NTAQ1: variants seen among roughly 807,000 people sequenced by gnomAD.
NTAQ1 encodes N-terminal glutamine amidase 1, also known as protein N-terminal glutamine amidohydrolase.
A neutral mutation model predicts 28.2 loss-of-function variants in NTAQ1; 21 were observed. That is an observed-to-expected ratio of 0.74 (90% CI 0.53 to 1.07). NTAQ1 has a LOEUF of 1.07. Ranked by LOEUF, NTAQ1 falls within the 50% of genes least tolerant of loss-of-function variation. The pLI is 0.00. For synonymous variants in NTAQ1, 105 were observed against 90.0 expected, an observed-to-expected ratio of 1.17 and a Z score of -0.94; for missense variants, 264 against 256.6, an observed-to-expected ratio of 1.03 and a Z score of -0.20.
intron 3 of NTAQ1, among the ~76,000 whole-genome samples, chr8:123,436,227 G>T (rs1814702656): frequency 6.6e-6 from 1 of 150,690 alleles, no homozygotes; most frequent in Non-Finnish European, 1.5e-5. Context: ...CAGAGGATGT[G>T]CATTTAATGA....
intron 6 of NTAQ1, among the ~76,000 whole-genome samples, chr8:123,464,008 G>A (rs1479526655): frequency 6.6e-6 from 1 of 152,196 alleles, no homozygotes; most frequent in Non-Finnish European, 1.5e-5. Context: ...CCCCGCACAT[G>A]CTGTCTTGCC....
intron 1 of NTAQ1, among the ~76,000 whole-genome samples, chr8:123,427,117 C>T (rs1197429646): frequency 6.6e-6 from 1 of 152,196 alleles, no homozygotes; most frequent in Non-Finnish European, 1.5e-5. Flanking sequence ...CCAAAACACC[C>T]ATCCTGCCCC....
intron 1 of NTAQ1, 72 bp from the exon 2 acceptor site, chr8:123,427,852 C>G (rs1470487623): frequency 8.0e-7 from 1 of 1,252,606 alleles, no homozygotes; most frequent in Non-Finnish European, 1.1e-6. Context: ...ATGTCATCAT[C>G]AGTATTTTGT....
chr8:123,456,337 G>A (rs1286301047), intron 6 of NTAQ1, among the ~76,000 whole-genome samples: 12 of 152,294 alleles, frequency 7.9e-5, no homozygotes. Context: ...TCAGGCTGGT[G>A]TGCACGATCT....
chr8:123,419,740 C>CTCCCTCCCTCCT (rs1813552750), intron 1 of NTAQ1, among the ~76,000 whole-genome samples: 1 of 47,980 alleles, frequency 2.1e-5, no homozygotes, highest in Non-Finnish European at 4.3e-5. Context: ...ACAGCCCTCC[C>CTCCCTCCCTCCT]TCCCTCCCTC....
rs74954796 is a variant in NTAQ1 at position 123,424,529 on chromosome 8, G to T, written c.84-3395G>T. Among the ~76,000 whole-genome samples the T allele has an allele frequency of 3.3e-3, 506 of 152,054 alleles. 7 individuals are homozygous for T. The highest frequency in any genetic ancestry group is 0.012 in the African/African-American group (485 of 41,490). ...AGTGCTGGGATTACAGGCGTGAGCT[G>T]CTGCGCCTGGCCATTAATTTTTGTA... is the stretch of plus-strand genomic sequence containing the variant. On this transcript the variant is annotated intron_variant, in intron 1 of 5. Coordinates refer to ENST00000287387, the MANE Select transcript of NTAQ1 (RefSeq NM_018024.3).
chr8:123,443,799 C>T (rs146105217), downstream of NTAQ1, among the ~76,000 whole-genome samples: 3 of 152,192 alleles, frequency 2.0e-5, no homozygotes, highest in South Asian at 4.2e-4. Flanking sequence ...TCTTGAACTC[C>T]GGGACTCAAG....
intron 2 of NTAQ1, among the ~76,000 whole-genome samples, chr8:123,429,702 A>G (rs1814276050): frequency 6.6e-6 from 1 of 151,792 alleles, no homozygotes; most frequent in Non-Finnish European, 1.5e-5. Flanking sequence ...TTGTGTCAAA[A>G]CCCTTCATCA....
intron 6 of NTAQ1, among the ~76,000 whole-genome samples, chr8:123,466,342 A>T (rs1303090093): frequency 6.6e-6 from 1 of 152,196 alleles, no homozygotes; most frequent in Non-Finnish European, 1.5e-5. Context: ...TGGGCATGGG[A>T]TCCAAGCCAG....
At chr8:123,428,107 T>A in intron 2 of NTAQ1, 84 bp downstream of exon 2, 3 of 919,312 alleles carry the variant, frequency 3.3e-6, no homozygotes, top group Non-Finnish European at 5.0e-6. Context: ...AAGCTAAATA[T>A]AGCATGGGTG....
the NTAQ1 span, among the ~76,000 whole-genome samples, chr8:123,475,153 ATTAT>A: frequency 6.6e-6 from 1 of 152,052 alleles, no homozygotes; most frequent in Admixed American, 6.6e-5. Flanking sequence ...GAACACTGTC[ATTAT>A]TTATTTTGTT....
intron 1 of NTAQ1, among the ~76,000 whole-genome samples, chr8:123,421,328 C>T (rs934257945): frequency 3.3e-5 from 5 of 152,098 alleles, no homozygotes; most frequent in African/African-American, 1.2e-4. Context: ...AGTCTTCCTG[C>T]CTTGGCCTCC....
At chr8:123,426,587 G>GGAGTTTGAGGCTGC in intron 1 of NTAQ1, among the ~76,000 whole-genome samples, 1 of 152,104 alleles carries the variant, frequency 6.6e-6, no homozygotes, top group Non-Finnish European at 1.5e-5. Flanking sequence ...GCTGAGGCTG[G>GGAGTTTGAGGCTGC]GAGTTTGAGG....
chr8:123,457,588 A>G (rs1278603085), intron 6 of NTAQ1, among the ~76,000 whole-genome samples: 3 of 152,238 alleles, frequency 2.0e-5, no homozygotes, highest in Non-Finnish European at 4.4e-5. Flanking sequence ...CAGAATATCT[A>G]TAGGAATATC....
chr8:123,418,919 A>T lies in NTAQ1; in HGVS notation c.83+1987A>T, dbSNP rs549178971. Among the ~76,000 whole-genome samples, 27 of 152,144 alleles carry T rather than the reference A, an allele frequency of 1.8e-4. 1 individual carries two copies. The highest frequency in any genetic ancestry group is 6.0e-4 in the African/African-American group (25 of 41,498). On this transcript the variant is annotated intron_variant, in intron 1 of 5. Transcript: ENST00000287387. ...CTTCTACCCACTAGATACTGTTAGCACCCTAGCCCTAGTTATGACAACCAA... is the reference window on the plus strand; with the variant it reads ...CTTCTACCCACTAGATACTGTTAGCTCCCTAGCCCTAGTTATGACAACCAA...
chr8:123,451,335 C>T (rs1036107058), downstream of NTAQ1, among the ~76,000 whole-genome samples: 5 of 152,038 alleles, frequency 3.3e-5, no homozygotes, highest in Admixed American at 2.0e-4. Context: ...GTTTAAAAGT[C>T]TGTTTTCCTT....
downstream of NTAQ1, among the ~76,000 whole-genome samples, chr8:123,451,673 G>A (rs1391109775): frequency 6.6e-6 from 1 of 152,136 alleles, no homozygotes; most frequent in African/African-American, 2.4e-5. Context: ...CCATTGGACT[G>A]TGAGTCCTCC....
chr8:123,459,913 G>A (rs774482538), intron 6 of NTAQ1, among the ~76,000 whole-genome samples: 1 of 147,478 alleles, frequency 6.8e-6, no homozygotes, highest in Non-Finnish European at 1.5e-5. Flanking sequence ...CGATTCTCCT[G>A]CCTCAGCCTC....
At chr8:123,454,550 A>G (rs1312278927) in intron 6 of NTAQ1, among the ~76,000 whole-genome samples, 1 of 152,010 alleles carries the variant, frequency 6.6e-6, no homozygotes, top group Non-Finnish European at 1.5e-5. Flanking sequence ...TTGTATTTTT[A>G]GTAAAGACGG....
Sources: gnomAD v4.1 joint callset for allele counts (sites outside exome capture counted in the v4.1 genomes callset) on GRCh38, gnomAD v4.1.1 for gene constraint, MANE v1.5 for transcripts, NCBI Gene and HGNC (gene_info 2026-07-23, HGNC 2026-07-21) for gene names.